MAN1A2: variants seen among roughly 807,000 people sequenced by gnomAD.
MAN1A2 encodes the protein mannosyl-oligosaccharide 1,2-alpha-mannosidase IB.
In MAN1A2, 26 loss-of-function variants were observed where a neutral mutation model predicts 75.7. That is an observed-to-expected ratio of 0.34 (90% CI 0.25 to 0.48). The LOEUF (loss-of-function observed/expected upper bound fraction) is 0.48. MAN1A2 is among the 20% of genes least tolerant of loss of function. The pLI is 0.99. For synonymous variants in MAN1A2, 247 were observed against 264.6 expected, an observed-to-expected ratio of 0.93 and a Z score of 0.65; for missense variants, 562 against 775.5, an observed-to-expected ratio of 0.72 and a Z score of 3.27.
chr1:117,467,526 T>A (rs1186977318), intron 8 of MAN1A2, among the ~76,000 whole-genome samples: 1 of 152,130 alleles, frequency 6.6e-6, no homozygotes, highest in Admixed American at 6.6e-5. Flanking sequence ...CTTTGACTCT[T>A]TTTATACTTA....
intron 5 of MAN1A2, among the ~76,000 whole-genome samples, chr1:117,432,439 A>G (rs1180707324): frequency 2.6e-5 from 4 of 152,222 alleles, no homozygotes; most frequent in Non-Finnish European, 5.9e-5. Context: ...GGTATTGCCA[A>G]TATTAGGCTA....
intron 10 of MAN1A2, among the ~76,000 whole-genome samples, chr1:117,498,932 A>G (rs1651113481): frequency 6.6e-6 from 1 of 151,874 alleles, no homozygotes; most frequent in South Asian, 2.1e-4. Flanking sequence ...TTCATAATCT[A>G]AGCTCTAAAA....
At chr1:117,443,587 T>A (rs1169571079) in intron 6 of MAN1A2, among the ~76,000 whole-genome samples, 1 of 152,118 alleles carries the variant, frequency 6.6e-6, no homozygotes, top group Non-Finnish European at 1.5e-5. Context: ...GAAAAGAACT[T>A]GAAAATCAAG....
chr1:117,465,459 C>T (rs1649953233), intron 7 of MAN1A2, among the ~76,000 whole-genome samples: 1 of 152,108 alleles, frequency 6.6e-6, no homozygotes, highest in African/African-American at 2.4e-5. Flanking sequence ...CCTAAAACTA[C>T]TTAAAGACAA....
chr1:117,447,659 T>C (rs1649278171), intron 6 of MAN1A2, among the ~76,000 whole-genome samples: 1 of 152,188 alleles, frequency 6.6e-6, no homozygotes, highest in South Asian at 2.1e-4. Flanking sequence ...CTTGTTCCAA[T>C]GTTTATTAAT....
At chr1:117,504,510 G>C (rs1651291052) in intron 12 of MAN1A2, among the ~76,000 whole-genome samples, 1 of 150,850 alleles carries the variant, frequency 6.6e-6, no homozygotes, top group Non-Finnish European at 1.5e-5. Context: ...TCAACAGTAG[G>C]TTTCAAGAAA....
At chr1:117,459,088 A>G (rs985068563) in intron 6 of MAN1A2, among the ~76,000 whole-genome samples, 13 of 152,196 alleles carry the variant, frequency 8.5e-5, no homozygotes, top group African/African-American at 2.9e-4. Flanking sequence ...TCATCGCCAT[A>G]TAAACATTGG....
chr1:117,468,386 A>T (rs1304012010), intron 8 of MAN1A2, among the ~76,000 whole-genome samples: 1 of 152,134 alleles, frequency 6.6e-6, no homozygotes, highest in African/African-American at 2.4e-5. Flanking sequence ...TTCCAAATAA[A>T]TTTTCAGAGC....
intron 10 of MAN1A2, among the ~76,000 whole-genome samples, chr1:117,497,336 C>G (rs1039776271): frequency 6.6e-6 from 1 of 151,942 alleles, no homozygotes; most frequent in African/African-American, 2.4e-5. Flanking sequence ...AATTGACTGA[C>G]TTCAGTTATA....
chr1:117,438,497 G>A (rs1013361859), intron 5 of MAN1A2, among the ~76,000 whole-genome samples: 1 of 152,150 alleles, frequency 6.6e-6, no homozygotes, highest in Non-Finnish European at 1.5e-5. Flanking sequence ...TAGCCTAAGT[G>A]TACAGTGTTT....
At chr1:117,399,815 T>G (rs1647358978) in intron 1 of MAN1A2, among the ~76,000 whole-genome samples, 1 of 152,212 alleles carries the variant, frequency 6.6e-6, no homozygotes, top group South Asian at 2.1e-4. Flanking sequence ...CAACTGGCTC[T>G]GTCCATTTGT....
chr1:117,435,424 A>G lies in MAN1A2; in HGVS notation c.856-6807A>G, dbSNP rs17037296. Reference sequence around the variant, plus strand: ...ATAATAACAAAATGCTTTTGCTCACATGTGTGGTCAATCCTTAATAAGATC... The same window carrying G: ...ATAATAACAAAATGCTTTTGCTCACGTGTGTGGTCAATCCTTAATAAGATC... On this transcript the variant is annotated intron_variant, in intron 5 of 12. Coordinates refer to ENST00000356554, the MANE Select transcript of MAN1A2 (RefSeq NM_006699.5). 7.4e-3 allele frequency among the ~76,000 whole-genome samples: 1,125 copies of G among 152,314 alleles called. 19 individuals are homozygous for G. The highest frequency in any genetic ancestry group is 0.026 in the African/African-American group (1,077 of 41,574).
intron 8 of MAN1A2, among the ~76,000 whole-genome samples, chr1:117,491,768 G>C (rs150702502): frequency 0.012 from 1,806 of 152,150 alleles, 43 homozygotes; most frequent in African/African-American, 0.041. Context: ...CATGGGAGGA[G>C]GTCAAAGTAT....
At chr1:117,449,495 C>T (rs1167008250) in intron 6 of MAN1A2, among the ~76,000 whole-genome samples, 1 of 149,954 alleles carries the variant, frequency 6.7e-6, no homozygotes, top group Admixed American at 6.7e-5. Flanking sequence ...GGAAGCAGAG[C>T]TTGCAGTGAG....
At chr1:117,397,512 G>A (rs1361123378) in intron 1 of MAN1A2, among the ~76,000 whole-genome samples, 1 of 152,174 alleles carries the variant, frequency 6.6e-6, no homozygotes, top group East Asian at 1.9e-4. Flanking sequence ...AAGTGAAAAT[G>A]GAAAACTGTT....
At chr1:117,489,463 TA>T (rs1650811978) in intron 8 of MAN1A2, among the ~76,000 whole-genome samples, 1 of 152,088 alleles carries the variant, frequency 6.6e-6, no homozygotes, top group South Asian at 2.1e-4. Context: ...TTTCTTATGT[TA>T]ATTATAAATT....
chr1:117,526,880 C>CTCTCTATATATATATATATA lies in MAN1A2; in HGVS notation c.*3924_*3925insCTCTATATATATATATATAT. The CTCTCTATATATATATATATA allele has an allele frequency of 2.4e-4, 13 of 54,508 alleles. No homozygotes were observed. The highest frequency in any genetic ancestry group is 3.3e-4 in the African/African-American group (4 of 12,280). 3.4% of individuals were successfully genotyped at this position (54,508 alleles called of 1,614,324 possible). On this transcript the variant is annotated 3_prime_UTR_variant, in exon 13 of 13. Coordinates refer to ENST00000356554, the MANE Select transcript of MAN1A2 (RefSeq NM_006699.5). Reference sequence around the variant, plus strand: ...TCTCTCTCTCTCTCTCTCTCTCTCTCTATATATATATATATATATATATAT... The same window carrying CTCTCTATATATATATATATA: ...TCTCTCTCTCTCTCTCTCTCTCTCTCTCTCTATATATATATATATATATATATATATATATATATATATAT...
intron 8 of MAN1A2, among the ~76,000 whole-genome samples, chr1:117,492,088 T>G (rs1451368389): frequency 1.3e-5 from 2 of 152,108 alleles, no homozygotes; most frequent in Non-Finnish European, 2.9e-5. Context: ...ATTTAGTTGA[T>G]GCAGCAGTGT....
chr1:117,482,881 T>A (rs926176820), intron 8 of MAN1A2, among the ~76,000 whole-genome samples: 1 of 152,148 alleles, frequency 6.6e-6, no homozygotes, highest in African/African-American at 2.4e-5. Context: ...AGGTCTTAGG[T>A]TTAAGTCTTT....
Sources: allele counts gnomAD v4.1 joint callset (sites outside exome capture counted in the v4.1 genomes callset), GRCh38; gene constraint gnomAD v4.1.1; transcripts MANE v1.5; gene names NCBI Gene and HGNC (gene_info 2026-07-23, HGNC 2026-07-21).